The following FCRL2 variants were observed in gnomAD, a reference collection of about 807,000 sequenced individuals.
The protein encoded by FCRL2 is Fc receptor like 2.
A neutral mutation model predicts 59.8 loss-of-function variants in FCRL2; 48 were observed. The observed-to-expected ratio is 0.80, with a 90% CI of 0.64 to 1.02. The LOEUF is 1.02. FCRL2 is among the 50% of genes least tolerant of loss of function. FCRL2 has a pLI of 0.00. For missense variants in FCRL2, 658 were observed against 597.3 expected (o/e 1.10, Z -1.06); for synonymous variants, 251 against 229.5 (o/e 1.09, Z -0.85).
At chr1:157,758,680 C>CAAAAAAAAAAAAAAA (rs59716565) in intron 7 of FCRL2, among the ~76,000 whole-genome samples, 1 of 55,398 alleles carries the variant, frequency 1.8e-5, no homozygotes, top group African/African-American at 6.8e-5. Context: ...CAGTCCCAAG[C>CAAAAAAAAAAAAAAA]AAAAAAAAAA....
chr1:157,761,804 CAT>C (rs917502370), intron 7 of FCRL2, among the ~76,000 whole-genome samples: 2 of 152,052 alleles, frequency 1.3e-5, no homozygotes, highest in Non-Finnish European at 2.9e-5. Context: ...ATTACAAAAA[CAT>C]ATAGTCATGC....
At chr1:157,772,515 G>A (rs1371397930) in intron 2 of FCRL2, among the ~76,000 whole-genome samples, 1 of 152,148 alleles carries the variant, frequency 6.6e-6, no homozygotes, top group Non-Finnish European at 1.5e-5. Flanking sequence ...GGGGAGAGAT[G>A]CTAAAGCTCG....
At chr1:157,769,834 T>C (rs1353516090) in intron 4 of FCRL2, 32 bp downstream of exon 4, 2 of 1,601,466 alleles carry the variant, frequency 1.2e-6, no homozygotes, top group Non-Finnish European at 1.7e-6. Flanking sequence ...TCCTATCTTT[T>C]TTTCTCCAGG....
chr1:157,749,554 G>T, intron 8 of FCRL2, 96 bp downstream of exon 8: 2 of 820,486 alleles, frequency 2.4e-6, no homozygotes, highest in Non-Finnish European at 4.0e-6. Context: ...TAATTACATA[G>T]CTTCAGTCTC....
At chr1:157,768,175 T>G (rs531021411) in intron 5 of FCRL2, 1 of 481,562 alleles carries the variant, frequency 2.1e-6, no homozygotes, top group East Asian at 3.7e-5. Flanking sequence ...TGTTTTATCA[T>G]CCTATCGTAG....
At chr1:157,775,871 A>G in intron 1 of FCRL2, 76 bp from the exon 2 acceptor site, 17 of 1,502,606 alleles carry the variant, frequency 1.1e-5, no homozygotes, top group Non-Finnish European at 1.3e-5. Context: ...TTACTCTGGT[A>G]AATTGCTCAA....
chr1:157,773,559 G>T (rs984208141), intron 2 of FCRL2, among the ~76,000 whole-genome samples: 3 of 152,192 alleles, frequency 2.0e-5, no homozygotes, highest in Admixed American at 6.5e-5. Context: ...TTGGTTCATA[G>T]TTTCATATCA....
rs1393161989 is a variant in FCRL2, at chr1:157,748,657, C to T, written c.1394-39G>A. 9 of 1,562,800 alleles carry T rather than the reference C, an allele frequency of 5.8e-6. No homozygotes were observed. In the Admixed American group the frequency reaches 8.4e-5, roughly 15 times the overall value. ...ACAAGAGTTCACAGATGTTGGTGGCCCAGGGTTCACACTTCATACACAGCT... is the reference window on the plus strand; with the variant it reads ...ACAAGAGTTCACAGATGTTGGTGGCTCAGGGTTCACACTTCATACACAGCT... On this transcript the variant is annotated intron_variant, in intron 9 of 11. Transcript: ENST00000361516.
chr1:157,765,450 G>A (rs78634650), intron 7 of FCRL2, among the ~76,000 whole-genome samples: 5,847 of 152,232 alleles, frequency 0.038, 198 homozygotes, highest in South Asian at 0.17. Flanking sequence ...TACAAGGATA[G>A]AATTACCCTG....
chr1:157,758,680 C>CAAAAAAAAAAAAAAAAA (rs59716565), intron 7 of FCRL2, among the ~76,000 whole-genome samples: 4 of 55,402 alleles, frequency 7.2e-5, no homozygotes, highest in Non-Finnish European at 1.0e-4. Context: ...CAGTCCCAAG[C>CAAAAAAAAAAAAAAAAA]AAAAAAAAAA....
At chr1:157,764,135 T>C (rs1450460145) in intron 7 of FCRL2, among the ~76,000 whole-genome samples, 2 of 146,982 alleles carry the variant, frequency 1.4e-5, no homozygotes, top group Admixed American at 6.8e-5. Context: ...ACCCAGGAGG[T>C]GGAGGTTGCA....
chr1:157,759,352 A>AT (rs1412240975), intron 7 of FCRL2, among the ~76,000 whole-genome samples: 2 of 152,352 alleles, frequency 1.3e-5, no homozygotes, highest in East Asian at 3.9e-4. Context: ...ACTCTAGAAG[A>AT]AAACCTAGGA....
chr1:157,760,359 A>G (rs377744766), intron 7 of FCRL2, among the ~76,000 whole-genome samples: 81 of 151,682 alleles, frequency 5.3e-4, no homozygotes, highest in African/African-American at 1.9e-3. Context: ...TGGCTCACTC[A>G]CTCCTGTAAT....
At chr1:157,764,241 A>C (rs534215340) in intron 7 of FCRL2, among the ~76,000 whole-genome samples, 6 of 152,156 alleles carry the variant, frequency 3.9e-5, no homozygotes, top group African/African-American at 1.4e-4. Flanking sequence ...GTGAAAAAAA[A>C]ACACAAAAAT....
intron 6 of FCRL2, 115 bp from the exon 7 acceptor site, chr1:157,767,086 C>G: frequency 7.7e-7 from 1 of 1,295,162 alleles, no homozygotes. Context: ...GAAGTGTAGT[C>G]TGTACTCTTC....
At chr1:157,747,567 C>T (rs1647846461) in intron 10 of FCRL2, among the ~76,000 whole-genome samples, 1 of 152,204 alleles carries the variant, frequency 6.6e-6, no homozygotes, top group South Asian at 2.1e-4. Flanking sequence ...GACCCACCTT[C>T]AGAGGCTCAG....
At chr1:157,766,502 A>G in intron 7 of FCRL2, 1 of 259,658 alleles carries the variant, frequency 3.9e-6, no homozygotes, top group Non-Finnish European at 7.2e-6. Context: ...GTGTTCCTTT[A>G]AATCTAGCTC....
At chr1:157,775,828 A>G in intron 1 of FCRL2, 33 bp from the exon 2 acceptor site, 1 of 1,612,410 alleles carries the variant, frequency 6.2e-7, no homozygotes, top group Non-Finnish European at 8.5e-7. Flanking sequence ...AGATTAGCAC[A>G]CAGCATTTGC....
chr1:157,767,437 A>G lies in FCRL2; in HGVS notation c.956T>C (p.Leu319Pro). 1.2e-6 allele frequency: 2 copies of G among 1,614,214 alleles called. No individual in the cohort carries two copies. Among genetic ancestry groups the G allele is most frequent in the Non-Finnish European group, 1.7e-6 (2 of 1,180,028 alleles). ...AGAGCCTCTCAGGGCCTCACAGTGA[A>G]GCTCCAGCAGGTCCCCCACTGCAGC... ...AQAAVGDLLE[L>P]HCEALRGSPP... Residue 319 changes from leucine to proline, a missense_variant, in exon 6 of 12, where the codon CTT (leucine) becomes CCT (proline). Transcript: ENST00000361516.
Sources: allele counts gnomAD v4.1 joint callset (sites outside exome capture counted in the v4.1 genomes callset), GRCh38; gene constraint gnomAD v4.1.1; transcripts MANE v1.5; gene names NCBI Gene and HGNC (gene_info 2026-07-23, HGNC 2026-07-21).